The following LY96 variants were observed in gnomAD, a reference collection of about 807,000 sequenced individuals.
LY96 encodes lymphocyte antigen 96.
LY96 carries 18 observed loss-of-function variants against 18.9 expected under a neutral mutation model. The observed-to-expected ratio is 0.95, with a 90% CI of 0.66 to 1.41. The LOEUF (loss-of-function observed/expected upper bound fraction) is 1.41, where lower values mean the gene tolerates loss of function less well. Ranked by LOEUF, LY96 falls within the 40% of genes most tolerant of loss-of-function variation. The pLI is 0.00. For synonymous variants in LY96, 66 were observed against 62.6 expected (o/e 1.06, Z -0.26); for missense variants, 175 against 182.4 (o/e 0.96, Z 0.23).
chr8:74,042,273 C>T, the LY96 span, among the ~76,000 whole-genome samples: 1 of 152,232 alleles, frequency 6.6e-6, no homozygotes, highest in Non-Finnish European at 1.5e-5. Flanking sequence ...GTAATCCCAG[C>T]ACTTTGGGTG....
At chr8:74,074,280 G>A in the LY96 span, among the ~76,000 whole-genome samples, 2 of 152,158 alleles carry the variant, frequency 1.3e-5, no homozygotes, top group South Asian at 2.1e-4. Context: ...GATTACAGGC[G>A]TGAGCCACTG....
At chr8:74,082,816 TA>T in the LY96 span, among the ~76,000 whole-genome samples, 1 of 152,148 alleles carries the variant, frequency 6.6e-6, no homozygotes, top group Non-Finnish European at 1.5e-5. Flanking sequence ...GATAATAAGC[TA>T]GGGGGAAACT....
At position 73,992,768 on chromosome 8, in the gene LY96, C is replaced by T. The variant is rs149392518; in HGVS notation, c.112+1214C>T. On this transcript the variant is annotated intron_variant, in intron 1 of 4. Transcript: ENST00000284818. ...TGCATTCCCCTCTTCCAGCAAGGCT[C>T]CTACTCTACTTGGCCCCCACTTCCC... Among the ~76,000 whole-genome samples the T allele has an allele frequency of 9.6e-3, 1,466 of 152,160 alleles. 13 individuals carry two copies. Among genetic ancestry groups the T allele is most frequent in the African/African-American group, 0.028 (1,178 of 41,498 alleles).
At chr8:74,027,422 A>C (rs972454136) in intron 4 of LY96, among the ~76,000 whole-genome samples, 1 of 151,144 alleles carries the variant, frequency 6.6e-6, no homozygotes, top group Non-Finnish European at 1.5e-5. Context: ...TCTGTGCCTC[A>C]ACCACCCGAG....
At chr8:74,021,673 A>G (rs940925733) in intron 3 of LY96, among the ~76,000 whole-genome samples, 2 of 152,220 alleles carry the variant, frequency 1.3e-5, no homozygotes, top group Non-Finnish European at 2.9e-5. Flanking sequence ...AACCAACCCA[A>G]ATGTCCATCA....
At chr8:74,070,196 AT>A in the LY96 span, among the ~76,000 whole-genome samples, 1 of 151,546 alleles carries the variant, frequency 6.6e-6, no homozygotes, top group African/African-American at 2.4e-5. Flanking sequence ...GGTTCAGGCC[AT>A]TCTCCTGCCT....
At chr8:74,082,529 A>G in the LY96 span, among the ~76,000 whole-genome samples, 1 of 152,172 alleles carries the variant, frequency 6.6e-6, no homozygotes, top group Non-Finnish European at 1.5e-5. Flanking sequence ...TTATTATTGT[A>G]TTGTTATTTA....
At chr8:74,072,863 G>C in the LY96 span, among the ~76,000 whole-genome samples, 1 of 152,210 alleles carries the variant, frequency 6.6e-6, no homozygotes, top group Non-Finnish European at 1.5e-5. Context: ...TCAGAGGTGA[G>C]CATGCGGGTG....
chr8:74,010,265 C>G, intron 3 of LY96, 136 bp downstream of exon 3: 1 of 750,458 alleles, frequency 1.3e-6, no homozygotes, highest in Non-Finnish European at 2.2e-6. Flanking sequence ...TTTACTTTAG[C>G]AGCTTAAATA....
the LY96 span, among the ~76,000 whole-genome samples, chr8:74,046,032 A>T: frequency 6.6e-6 from 1 of 152,172 alleles, no homozygotes. Flanking sequence ...AAATCCCAGC[A>T]CTTTCAGAGG....
chr8:74,070,662 A>G, the LY96 span, among the ~76,000 whole-genome samples: 128 of 152,276 alleles, frequency 8.4e-4, 4 homozygotes, highest in South Asian at 0.025. Flanking sequence ...TGAGCGTTAC[A>G]GAAATACCCC....
the LY96 span, among the ~76,000 whole-genome samples, chr8:74,072,808 C>T: frequency 6.6e-6 from 1 of 152,166 alleles, no homozygotes; most frequent in Non-Finnish European, 1.5e-5. Context: ...GGAGGAGCCA[C>T]GCTCGGCACA....
intron 3 of LY96, among the ~76,000 whole-genome samples, chr8:74,022,458 A>G (rs571919035): frequency 7.4e-6 from 1 of 135,648 alleles, no homozygotes; most frequent in African/African-American, 3.4e-5. Context: ...AGACAAAACA[A>G]TTGAAAAACA....
At chr8:74,041,205 A>G in the LY96 span, among the ~76,000 whole-genome samples, 7 of 152,176 alleles carry the variant, frequency 4.6e-5, no homozygotes, top group Admixed American at 1.3e-4. Context: ...TCATTTTAAT[A>G]TGGACATTTC....
downstream of LY96, among the ~76,000 whole-genome samples, chr8:74,031,650 G>T (rs903634329): frequency 1.4e-5 from 2 of 147,312 alleles, no homozygotes; most frequent in African/African-American, 5.1e-5. Flanking sequence ...AAAAAAAAAA[G>T]TAATTTTTTT....
intron 1 of LY96, among the ~76,000 whole-genome samples, chr8:74,003,223 G>C (rs901753469): frequency 6.6e-6 from 1 of 152,136 alleles, no homozygotes; most frequent in East Asian, 1.9e-4. Context: ...GAGAGACCTC[G>C]GGGGAAAGCA....
the LY96 span, among the ~76,000 whole-genome samples, chr8:74,066,008 C>T: frequency 1.3e-5 from 2 of 152,160 alleles, no homozygotes; most frequent in Admixed American, 1.3e-4. Flanking sequence ...ATCTGGCAAC[C>T]TTGTATGTGA....
chr8:74,041,715 A>C, the LY96 span, among the ~76,000 whole-genome samples: 1 of 151,918 alleles, frequency 6.6e-6, no homozygotes, highest in Non-Finnish European at 1.5e-5. Flanking sequence ...AACCCCCCCC[A>C]CCACTAGTAA....
rs556781914 is a variant in LY96, at chr8:74,019,841, G to A, written c.332-6948G>A. Among the ~76,000 whole-genome samples the A allele has an allele frequency of 8.9e-4, 135 of 152,278 alleles. 2 individuals are homozygous for A. The highest frequency in any genetic ancestry group is 2.4e-4 in the Non-Finnish European group (16 of 68,032). On this transcript the variant is annotated intron_variant, in intron 3 of 4. Coordinates refer to ENST00000284818, the MANE Select transcript of LY96 (RefSeq NM_015364.5). ...AAATCACACGATTATGTCACTAGAT[G>A]CAGAAAAGGCCTTCGACAAAATTCA... is the stretch of plus-strand genomic sequence containing the variant.
Sources: gnomAD v4.1 joint callset for allele counts (sites outside exome capture counted in the v4.1 genomes callset) on GRCh38, gnomAD v4.1.1 for gene constraint, MANE v1.5 for transcripts, NCBI Gene and HGNC (gene_info 2026-07-23, HGNC 2026-07-21) for gene names.